TRPC6: variants seen among roughly 807,000 people sequenced by gnomAD.
TRPC6 encodes the protein transient receptor potential cation channel subfamily C member 6.
Under a neutral mutation model 90.7 loss-of-function variants are expected in TRPC6, and 55 were observed. That is an observed-to-expected ratio of 0.61 (90% CI 0.49 to 0.76). The LOEUF is 0.76. TRPC6 is among the 30% of genes least tolerant of loss of function. The probability of loss-of-function intolerance (pLI) is 0.00; values close to 1 mark genes in which losing one functional copy is unlikely to be tolerated. For synonymous variants in TRPC6, 393 were observed against 393.0 expected (o/e 1.00, Z 0.00); for missense variants, 989 against 1,122.7 (o/e 0.88, Z 1.70).
intron 1 of TRPC6, among the ~76,000 whole-genome samples, chr11:101,547,153 T>C (rs1861324744): frequency 6.6e-6 from 1 of 152,212 alleles, no homozygotes; most frequent in Non-Finnish European, 1.5e-5. Context: ...GAATTCATTT[T>C]ATAATTATTA....
At chr11:101,499,603 T>TATATATACACACACAATATAAA (rs375026688) in intron 2 of TRPC6, among the ~76,000 whole-genome samples, 3,371 of 68,426 alleles carry the variant, frequency 0.049, 576 homozygotes, top group Non-Finnish European at 0.059. Flanking sequence ...TATACGTATA[T>TATATATACACACACAATATAAA]ATGGTATATA....
chr11:101,456,031 G>A (rs534355257), intron 10 of TRPC6, among the ~76,000 whole-genome samples: 1 of 152,072 alleles, frequency 6.6e-6, no homozygotes, highest in Non-Finnish European at 1.5e-5. Flanking sequence ...CATTTTTCAT[G>A]TATCTATTAT....
At chr11:101,511,410 A>G (rs1860390447) in intron 1 of TRPC6, among the ~76,000 whole-genome samples, 1 of 152,152 alleles carries the variant, frequency 6.6e-6, no homozygotes, top group Non-Finnish European at 1.5e-5. Flanking sequence ...AACTCTCAGT[A>G]CATAACTGGA....
chr11:101,521,573 A>T (rs1367415725), intron 1 of TRPC6, among the ~76,000 whole-genome samples: 1 of 152,216 alleles, frequency 6.6e-6, no homozygotes, highest in East Asian at 1.9e-4. Flanking sequence ...AGCACTGCCT[A>T]GTGGAGCTGT....
intron 2 of TRPC6, among the ~76,000 whole-genome samples, chr11:101,500,821 T>A (rs1047005380): frequency 6.6e-6 from 1 of 152,142 alleles, no homozygotes; most frequent in African/African-American, 2.4e-5. Context: ...AAAGGAAAGA[T>A]GCAGCTATTC....
At chr11:101,468,728 G>A (rs1859210140) in intron 10 of TRPC6, among the ~76,000 whole-genome samples, 1 of 152,218 alleles carries the variant, frequency 6.6e-6, no homozygotes, top group African/African-American at 2.4e-5. Flanking sequence ...AATCTGGGGA[G>A]TTAAATGAGA....
intron 1 of TRPC6, among the ~76,000 whole-genome samples, chr11:101,551,487 T>C (rs1014910771): frequency 4.0e-5 from 6 of 150,966 alleles, no homozygotes; most frequent in African/African-American, 1.5e-4. Flanking sequence ...TACAAATTAT[T>C]CTACTAAGAA....
chr11:101,455,395 T>C (rs1858860762), intron 10 of TRPC6: 2 of 313,442 alleles, frequency 6.4e-6, no homozygotes, highest in African/African-American at 4.3e-5. Context: ...GATGAATGCA[T>C]GGTAGAGAAA....
chr11:101,543,008 G>T (rs769087222), intron 1 of TRPC6, among the ~76,000 whole-genome samples: 1 of 151,936 alleles, frequency 6.6e-6, no homozygotes, highest in Non-Finnish European at 1.5e-5. Context: ...ATTATAGACA[G>T]AAAATATTTA....
At chr11:101,535,491 C>A (rs1302867052) in intron 1 of TRPC6, among the ~76,000 whole-genome samples, 3 of 151,648 alleles carry the variant, frequency 2.0e-5, no homozygotes, top group African/African-American at 7.3e-5. Context: ...TTTAATGACA[C>A]AGAACTTCAG....
At chr11:101,506,852 C>T (rs1007017994) in intron 1 of TRPC6, among the ~76,000 whole-genome samples, 2 of 151,998 alleles carry the variant, frequency 1.3e-5, no homozygotes, top group Non-Finnish European at 2.9e-5. Flanking sequence ...AGAGGTGATA[C>T]ATTTCAATTT....
At chr11:101,494,518 C>A (rs942263190) in intron 2 of TRPC6, among the ~76,000 whole-genome samples, 1 of 152,124 alleles carries the variant, frequency 6.6e-6, no homozygotes, top group African/African-American at 2.4e-5. Context: ...GGAGCTGAGA[C>A]AAAATTTAAC....
Position 101,504,357 on chromosome 11 carries a change from A to G in TRPC6, c.612T>C (p.Asp204=). ...CATCTTCATCATAGGCATAAAAATC[A>G]TCTTGCTGGAGTTCAGACTGGCTAG... ...TSPSQSELQQ[D]DFYAYDEDGT... Residue 204 remains aspartate (D), a synonymous_variant, in exon 2 of 13, where the codon GAT becomes GAC. Coordinates refer to ENST00000344327, the MANE Select transcript of TRPC6 (RefSeq NM_004621.6). 2.5e-6 allele frequency: 4 copies of G among 1,614,080 alleles called. No individual in the cohort carries two copies. Among genetic ancestry groups the G allele is most frequent in the Non-Finnish European group, 3.4e-6 (4 of 1,179,996 alleles).
intron 1 of TRPC6, among the ~76,000 whole-genome samples, chr11:101,509,630 C>T (rs1180135996): frequency 2.0e-5 from 3 of 152,206 alleles, no homozygotes; most frequent in African/African-American, 4.8e-5. Flanking sequence ...AGCCACTAAT[C>T]ATAATGATGT....
At chr11:101,460,185 A>G (rs1204617560) in intron 10 of TRPC6, among the ~76,000 whole-genome samples, 4 of 152,224 alleles carry the variant, frequency 2.6e-5, no homozygotes. Flanking sequence ...TATATATGTT[A>G]TACGTAGTCA....
rs371024836 is a variant in TRPC6 at position 101,452,636 on chromosome 11, C to T, written c.*319G>A. ...GGAGTAACGTGGGTCAGCCCCTGTC[C>T]GCTGGGACCCATTTTCAGGCAGACA... On this transcript the variant is annotated 3_prime_UTR_variant, in exon 13 of 13. Transcript: ENST00000344327. 1.7e-5 allele frequency: 5 copies of T among 292,398 alleles called. No individual in the cohort carries two copies. The highest frequency in any genetic ancestry group is 1.2e-4 in the South Asian group (3 of 24,614). 18.1% of individuals were successfully genotyped at this position (292,398 alleles called of 1,614,324 possible). A position where few individuals can be genotyped will look rare whatever the true frequency, so the allele number is the denominator to read the frequency against.
chr11:101,536,400 C>A (rs1324441796), intron 1 of TRPC6, among the ~76,000 whole-genome samples: 2 of 139,332 alleles, frequency 1.4e-5, no homozygotes, highest in Non-Finnish European at 1.6e-5. Flanking sequence ...GCCCCTCCCT[C>A]CCCCCCACCA....
intron 2 of TRPC6, among the ~76,000 whole-genome samples, chr11:101,495,594 T>A (rs532015289): frequency 3.9e-5 from 2 of 51,514 alleles, no homozygotes; most frequent in South Asian, 1.3e-3. Context: ...CAATGGTAAT[T>A]ATTATTATTA....
chr11:101,517,145 G>T (rs1860541216), intron 1 of TRPC6, among the ~76,000 whole-genome samples: 1 of 152,162 alleles, frequency 6.6e-6, no homozygotes, highest in African/African-American at 2.4e-5. Flanking sequence ...TGATCAATGT[G>T]CCTCTACTTA....
Sources: allele counts gnomAD v4.1 joint callset (sites outside exome capture counted in the v4.1 genomes callset), GRCh38; gene constraint gnomAD v4.1.1; transcripts MANE v1.5; gene names NCBI Gene and HGNC (gene_info 2026-07-23, HGNC 2026-07-21).